TRPM3: variants seen among roughly 807,000 people sequenced by gnomAD.
TRPM3 encodes long transient receptor potential channel 3.
In TRPM3, 77 loss-of-function variants were observed where a neutral mutation model predicts 181.2. That is an observed-to-expected ratio of 0.42 (90% CI 0.35 to 0.51). The LOEUF (loss-of-function observed/expected upper bound fraction) is 0.51. Among genes scored for constraint, TRPM3 ranks in the 20% least tolerant of loss-of-function variants. The pLI is 0.01. For synonymous variants in TRPM3, 745 were observed against 796.4 expected (o/e 0.94, Z 1.09); for missense variants, 1,759 against 2,196.7 (o/e 0.80, Z 3.98).
chr9:70,754,585 C>T (rs12335434), intron 8 of TRPM3, among the ~76,000 whole-genome samples: 12,387 of 152,150 alleles, frequency 0.081, 529 homozygotes, highest in Non-Finnish European at 0.095. Context: ...GAATATTTTT[C>T]ATGAGGCCAC....
At position 70,680,762 on chromosome 9, in the gene TRPM3, C is replaced by T. The variant is rs531320567; in HGVS notation, c.1345+744G>A. On this transcript the variant is annotated intron_variant, in intron 9 of 25. Transcript: ENST00000677713. ...TTTCAGCACTGAACAGGAGAAACTT[C>T]CTTCTGTTTAACACTGCAAATTAGT... 8.5e-5 allele frequency among the ~76,000 whole-genome samples: 13 copies of T among 152,310 alleles called. No individual in the cohort carries two copies. In the South Asian group the frequency reaches 2.5e-3, roughly 29 times the overall value.
At chr9:70,969,148 A>G (rs775001448) in intron 1 of TRPM3, among the ~76,000 whole-genome samples, 4 of 152,118 alleles carry the variant, frequency 2.6e-5, no homozygotes, top group Non-Finnish European at 5.9e-5. Context: ...TCTACCAACT[A>G]TCATTCTCAG....
At chr9:70,761,553 A>G (rs759611765) in intron 8 of TRPM3, 48 bp downstream of exon 8, 7 of 1,613,484 alleles carry the variant, frequency 4.3e-6, no homozygotes, top group Non-Finnish European at 5.9e-6. Context: ...ATTCAAGAAA[A>G]TGACTGAAAA....
chr9:71,179,851 C>T (rs1431006058), intron 1 of TRPM3, among the ~76,000 whole-genome samples: 1 of 151,966 alleles, frequency 6.6e-6, no homozygotes, highest in Non-Finnish European at 1.5e-5. Context: ...TGAAATCTGC[C>T]TCCAAAAATA....
In TRPM3 at chr9:70,553,052, G is replaced by C. The variant is rs2046834255; in HGVS notation, c.3375-9C>G. 1.2e-6 allele frequency: 2 copies of C among 1,613,972 alleles called. No individual in the cohort carries two copies. Among genetic ancestry groups the C allele is most frequent in the Non-Finnish European group, 1.7e-6 (2 of 1,179,968 alleles). On this transcript the variant is annotated splice_polypyrimidine_tract_variant and intron_variant, in intron 23 of 25. Transcript: ENST00000677713. ...CTTCAAAAAATGTATTGCTAAAATA[G>C]AGACCAAAGAGAATCAAGTGAGAAA...
At chr9:71,015,437 G>C (rs573129410) in intron 1 of TRPM3, among the ~76,000 whole-genome samples, 9 of 152,190 alleles carry the variant, frequency 5.9e-5, no homozygotes, top group Non-Finnish European at 5.9e-5. Context: ...AATTTCCCAT[G>C]TTCCAGATAA....
chr9:70,775,340 G>C (rs1381209341), intron 7 of TRPM3: 1 of 152,200 alleles, frequency 6.6e-6, no homozygotes, highest in Non-Finnish European at 1.5e-5. Flanking sequence ...GTAAAGAAAT[G>C]CATTTGTGCA....
At chr9:71,152,445 C>T (rs575020716) in intron 1 of TRPM3, among the ~76,000 whole-genome samples, 8 of 152,150 alleles carry the variant, frequency 5.3e-5, no homozygotes, top group Non-Finnish European at 7.4e-5. Context: ...TTAAATTGGA[C>T]TACAAATACA....
intron 22 of TRPM3, among the ~76,000 whole-genome samples, chr9:70,565,976 T>A (rs2050485642): frequency 6.6e-6 from 1 of 152,142 alleles, no homozygotes; most frequent in Non-Finnish European, 1.5e-5. Flanking sequence ...CAACAGGTAT[T>A]TATGGAGCCC....
At chr9:70,926,547 C>T (rs1184017112) in intron 1 of TRPM3, among the ~76,000 whole-genome samples, 11 of 152,088 alleles carry the variant, frequency 7.2e-5, no homozygotes, top group African/African-American at 2.7e-4. Flanking sequence ...GATCTTAAAA[C>T]ATCTCAGAAA....
intron 6 of TRPM3, among the ~76,000 whole-genome samples, chr9:70,823,157 C>T (rs2093320713): frequency 6.6e-6 from 1 of 152,162 alleles, no homozygotes; most frequent in African/African-American, 2.4e-5. Context: ...CACACATACA[C>T]ACACACGCAA....
chr9:71,038,735 G>A (rs901967790), intron 1 of TRPM3, among the ~76,000 whole-genome samples: 3 of 152,142 alleles, frequency 2.0e-5, no homozygotes, highest in Admixed American at 2.0e-4. Context: ...TAGGGCACAT[G>A]GACACTGAGC....
chr9:70,940,083 C>G (rs746632325), intron 1 of TRPM3, among the ~76,000 whole-genome samples: 1 of 152,122 alleles, frequency 6.6e-6, no homozygotes, highest in Non-Finnish European at 1.5e-5. Context: ...TGGAGCCCTT[C>G]CTTATAAGGA....
intron 1 of TRPM3, among the ~76,000 whole-genome samples, chr9:71,090,793 A>G (rs1012628181): frequency 6.6e-6 from 1 of 152,166 alleles, no homozygotes; most frequent in Non-Finnish European, 1.5e-5. Flanking sequence ...AATAATGACT[A>G]CCTACTTCAT....
chr9:70,751,035 C>T (rs1182976349), intron 8 of TRPM3, among the ~76,000 whole-genome samples: 2 of 151,212 alleles, frequency 1.3e-5, no homozygotes, highest in Admixed American at 1.3e-4. Flanking sequence ...GCAATTGAGA[C>T]TATCTTACTG....
At chr9:70,822,832 C>T (rs2093293123) in intron 6 of TRPM3, among the ~76,000 whole-genome samples, 1 of 146,866 alleles carries the variant, frequency 6.8e-6, no homozygotes, top group Admixed American at 6.8e-5. Context: ...TGGGTCTGTG[C>T]CTCTCTCCTA....
intron 1 of TRPM3, among the ~76,000 whole-genome samples, chr9:71,094,243 G>T: frequency 6.6e-6 from 1 of 151,762 alleles, no homozygotes; most frequent in Non-Finnish European, 1.5e-5. Flanking sequence ...AGGCATCCCA[G>T]AGCTTAAAGT....
At chr9:70,793,868 T>C (rs142898836) in intron 6 of TRPM3, among the ~76,000 whole-genome samples, 1 of 152,274 alleles carries the variant, frequency 6.6e-6, no homozygotes, top group African/African-American at 2.4e-5. Flanking sequence ...TTCAACACTT[T>C]GTTATATAAT....
intron 7 of TRPM3, among the ~76,000 whole-genome samples, chr9:70,783,490 G>C (rs903129784): frequency 7.9e-5 from 12 of 152,072 alleles, no homozygotes; most frequent in Admixed American, 6.6e-5. Flanking sequence ...CTTTTCTGGG[G>C]TTGGGGGCTT....
Sources: allele counts gnomAD v4.1 joint callset (sites outside exome capture counted in the v4.1 genomes callset), GRCh38; gene constraint gnomAD v4.1.1; transcripts MANE v1.5; gene names NCBI Gene and HGNC (gene_info 2026-07-23, HGNC 2026-07-21).